The following ADGRB3 variants were observed in gnomAD, a reference collection of about 807,000 sequenced individuals.
ADGRB3 encodes brain-specific angiogenesis inhibitor 3.
A neutral mutation model predicts 193.4 loss-of-function variants in ADGRB3; 37 were observed. That is an observed-to-expected ratio of 0.19 (90% confidence interval 0.15 to 0.25). The LOEUF is 0.25. Among genes scored for constraint, ADGRB3 ranks in the 10% least tolerant of loss-of-function variants. The pLI, the probability that ADGRB3 is intolerant of heterozygous loss-of-function variation, is 1.00. For synonymous variants in ADGRB3, 690 were observed against 644.2 expected, an observed-to-expected ratio of 1.07 and a Z score of -1.08; for missense variants, 1,637 against 1,852.9, an observed-to-expected ratio of 0.88 and a Z score of 2.14.
intron 11 of ADGRB3, among the ~76,000 whole-genome samples, chr6:68,999,571 C>T (rs1348635891): frequency 6.6e-6 from 1 of 152,112 alleles, no homozygotes; most frequent in African/African-American, 2.4e-5. Context: ...GCCAGATTTC[C>T]CTTTTCTCAT....
chr6:69,112,182 C>T (rs977101330), intron 17 of ADGRB3, among the ~76,000 whole-genome samples: 9 of 152,156 alleles, frequency 5.9e-5, no homozygotes, highest in East Asian at 3.9e-4. Context: ...TACGTGAGCA[C>T]GCCCCACCCA....
intron 26 of ADGRB3, among the ~76,000 whole-genome samples, chr6:69,343,562 A>T (rs1187487515): frequency 6.6e-6 from 1 of 152,170 alleles, no homozygotes; most frequent in Non-Finnish European, 1.5e-5. Context: ...CACTAAAAAA[A>T]TTTGGAATGT....
intron 29 of ADGRB3, among the ~76,000 whole-genome samples, chr6:69,370,600 C>T (rs2127339249): frequency 6.6e-6 from 1 of 152,214 alleles, no homozygotes; most frequent in South Asian, 2.1e-4. Flanking sequence ...TTCACATTGA[C>T]ATACCTGCTC....
chr6:68,780,313 T>C (rs920789143), intron 3 of ADGRB3, among the ~76,000 whole-genome samples: 1 of 152,094 alleles, frequency 6.6e-6, no homozygotes, highest in African/African-American at 2.4e-5. Context: ...AATTCATAGA[T>C]ACGTTGTTTG....
intron 17 of ADGRB3, among the ~76,000 whole-genome samples, chr6:69,086,932 G>A (rs971795491): frequency 1.3e-5 from 2 of 152,098 alleles, no homozygotes; most frequent in African/African-American, 2.4e-5. Context: ...GTGGATATCT[G>A]TGTGCTGAGT....
intron 29 of ADGRB3, among the ~76,000 whole-genome samples, chr6:69,362,543 G>C (rs936776742): frequency 1.3e-5 from 2 of 151,830 alleles, no homozygotes; most frequent in African/African-American, 4.8e-5. Flanking sequence ...TAATTTTCAG[G>C]GTTTTCCCAA....
At chr6:69,168,631 G>C (rs1257817813) in intron 17 of ADGRB3, among the ~76,000 whole-genome samples, 1 of 151,994 alleles carries the variant, frequency 6.6e-6, no homozygotes, top group African/African-American at 2.4e-5. Context: ...TAGTGGGTAT[G>C]AGCCATAATT....
At chr6:68,818,557 A>G (rs572936721) in intron 3 of ADGRB3, among the ~76,000 whole-genome samples, 174 of 152,160 alleles carry the variant, frequency 1.1e-3, no homozygotes, top group African/African-American at 4.0e-3. Flanking sequence ...TTTTTATTGG[A>G]AAGGGGGAAA....
At chr6:69,034,648 TGAGAGACAGAGA>T (rs1379244770) in intron 13 of ADGRB3, among the ~76,000 whole-genome samples, 2 of 147,502 alleles carry the variant, frequency 1.4e-5, no homozygotes, top group African/African-American at 4.9e-5. Context: ...AACTATATGG[TGAGAGACAGAGA>T]GAGAGACAGA....
At chr6:69,260,557 C>T (rs757377803) in intron 20 of ADGRB3, among the ~76,000 whole-genome samples, 28 of 152,094 alleles carry the variant, frequency 1.8e-4, no homozygotes, top group African/African-American at 5.6e-4. Flanking sequence ...GACTTGGGCA[C>T]GTCTTCTAGC....
At chr6:68,817,527 GA>G (rs1767661048) in intron 3 of ADGRB3, among the ~76,000 whole-genome samples, 1 of 150,958 alleles carries the variant, frequency 6.6e-6, no homozygotes, top group African/African-American at 2.4e-5. Context: ...TATGCCACTA[GA>G]ATGCTAAAAT....
At chr6:68,943,729 C>T (rs569722705) in intron 5 of ADGRB3, 101 bp from the exon 6 acceptor site, 179 of 954,752 alleles carry the variant, frequency 1.9e-4, no homozygotes, top group South Asian at 6.9e-4. Context: ...CATATCTTTA[C>T]ATTTGTCTAT....
chr6:69,264,281 A>G (rs1490773979), intron 20 of ADGRB3, among the ~76,000 whole-genome samples: 2 of 152,006 alleles, frequency 1.3e-5, no homozygotes, highest in African/African-American at 2.4e-5. Flanking sequence ...ATTTATAACT[A>G]GAAACCGCCA....
At chr6:68,910,515 C>A (rs913949313) in intron 3 of ADGRB3, among the ~76,000 whole-genome samples, 2 of 152,030 alleles carry the variant, frequency 1.3e-5, no homozygotes, top group African/African-American at 4.8e-5. Context: ...CCTAGGTTTT[C>A]TTCTAGGGTT....
In ADGRB3 at chr6:68,954,703, G is replaced by A. The variant is rs921620365; in HGVS notation, c.1196-1321G>A. ...AATGGCTTTTTTTTTTTTTTGAGAC[G>A]GAGTCTTGCTCTGTCCCCCAGGCTG... On this transcript the variant is annotated intron_variant, in intron 6 of 31. Coordinates refer to ENST00000370598, the MANE Select transcript of ADGRB3 (RefSeq NM_001704.3). 5.5e-5 allele frequency among the ~76,000 whole-genome samples: 8 copies of A among 144,400 alleles called. No individual in the cohort carries two copies. The East Asian group carries it at 6.0e-4, about 11-fold the overall frequency. The allele number at this position is 144,400 out of a possible 152,430, so 94.7% of individuals were successfully genotyped here.
intron 3 of ADGRB3, among the ~76,000 whole-genome samples, chr6:68,644,185 G>T (rs2127277174): frequency 6.6e-6 from 1 of 152,002 alleles, no homozygotes; most frequent in Non-Finnish European, 1.5e-5. Flanking sequence ...CTTTGGGAAA[G>T]CATCTACCTT....
intron 8 of ADGRB3, among the ~76,000 whole-genome samples, chr6:68,971,283 ATAT>A (rs1768560653): frequency 6.6e-6 from 1 of 152,210 alleles, no homozygotes; most frequent in Non-Finnish European, 1.5e-5. Context: ...ATTGAGTTAA[ATAT>A]TATAAATAGT....
intron 17 of ADGRB3, among the ~76,000 whole-genome samples, chr6:69,118,571 A>G (rs1025633027): frequency 1.1e-4 from 16 of 152,062 alleles, no homozygotes; most frequent in African/African-American, 3.9e-4. Context: ...AATTGCATTT[A>G]GAATCTTACT....
intron 17 of ADGRB3, among the ~76,000 whole-genome samples, chr6:69,200,162 T>C (rs1765390227): frequency 6.6e-6 from 1 of 151,958 alleles, no homozygotes; most frequent in South Asian, 2.1e-4. Flanking sequence ...CTATTGGGTC[T>C]GATATTCTCA....
Sources: allele counts gnomAD v4.1 joint callset (sites outside exome capture counted in the v4.1 genomes callset), GRCh38; gene constraint gnomAD v4.1.1; transcripts MANE v1.5; gene names NCBI Gene and HGNC (gene_info 2026-07-23, HGNC 2026-07-21).